Variants in PSD3 observed in about 807,000 individuals in gnomAD.
PSD3 encodes pleckstrin and Sec7 domain containing 3, also known as PH and SEC7 domain-containing protein 3.
Under a neutral mutation model 105.5 loss-of-function variants are expected in PSD3, and 49 were observed. The observed-to-expected ratio is 0.46, with a 90% CI of 0.37 to 0.59. The LOEUF (loss-of-function observed/expected upper bound fraction) is 0.59, where lower values mean the gene tolerates loss of function less well. Among genes scored for constraint, PSD3 ranks in the 20% least tolerant of loss-of-function variants. The probability of loss-of-function intolerance (pLI) is 0.00; values close to 1 mark genes in which losing one functional copy is unlikely to be tolerated. For missense variants in PSD3, 1,561 were observed against 1,263.8 expected, an observed-to-expected ratio of 1.24 and a Z score of -3.57; for synonymous variants, 557 against 457.8, an observed-to-expected ratio of 1.22 and a Z score of -2.77.
chr8:18,919,835 C>G (rs1417270676), intron 2 of PSD3, among the ~76,000 whole-genome samples: 1 of 117,186 alleles, frequency 8.5e-6, no homozygotes, highest in African/African-American at 3.4e-5. Context: ...GAACATCACA[C>G]TCTGGGGACT....
At position 18,872,405 on chromosome 8, in the gene PSD3, T is replaced by G. The variant is rs773319907; in HGVS notation, c.459A>C (p.Thr153=). Residue 153 remains threonine, a synonymous_variant, in exon 3 of 16, where the codon ACA becomes ACC. Coordinates refer to ENST00000327040, the MANE Select transcript of PSD3 (RefSeq NM_015310.4). ...AAACAGCATCTTGGTCCAGTACCTT[T>G]GTAGCCTGTAATGTTCCGGAAATGA... ...ARIISGTLQA[T]KVLDQDAVSS... The G allele has an allele frequency of 3.1e-6, 5 of 1,614,112 alleles. No homozygotes were observed. Among genetic ancestry groups the G allele is most frequent in the Non-Finnish European group, 4.2e-6 (5 of 1,180,046 alleles).
chr8:18,799,302 T>A lies in PSD3; in HGVS notation c.2075A>T (p.His692Leu). 6.2e-7 allele frequency: 1 copy of A among 1,604,278 alleles called. No individual in the cohort carries two copies. The highest frequency in any genetic ancestry group is 1.1e-5 in the South Asian group (1 of 90,884). Residue 692 changes from histidine to leucine, a missense_variant, in exon 8 of 16, where the codon CAT (histidine) becomes CTT (leucine). Coordinates refer to ENST00000327040, the MANE Select transcript of PSD3 (RefSeq NM_015310.4). ...TCACAAATCCACACTTACGTGGCCATGTAGATCGGTATTAAGAAGCATTAT... is the reference window on the plus strand; with the variant it reads ...TCACAAATCCACACTTACGTGGCCAAGTAGATCGGTATTAAGAAGCATTAT... ...CAIMLLNTDL[H>L]GHNIGKKMTC...
At position 18,853,474 on chromosome 8, in the gene PSD3, G is replaced by A. The variant is rs1815754756; in HGVS notation, c.1634+14200C>T. On this transcript the variant is annotated intron_variant, in intron 4 of 15. Coordinates refer to ENST00000327040, the MANE Select transcript of PSD3 (RefSeq NM_015310.4). ...CGTTGACCTCACTTATCCCCTGCCT[G>A]TTGAACATCACAACAGAAACTTTCC... Among the ~76,000 whole-genome samples, 6 of 151,958 alleles carry A rather than the reference G, an allele frequency of 3.9e-5. 1 individual carries two copies. The South Asian group carries it at 6.2e-4, about 16-fold the overall frequency.
intron 2 of PSD3, among the ~76,000 whole-genome samples, chr8:18,889,426 ACAGCAGGTAATATTC>A: frequency 6.6e-6 from 1 of 152,270 alleles, no homozygotes; most frequent in African/African-American, 2.4e-5. Flanking sequence ...ATCCAGAGCC[ACAGCAGGTAATATTC>A]CCCCATCCTA....
intron 9 of PSD3, among the ~76,000 whole-genome samples, chr8:18,663,138 A>C (rs181717698): frequency 3.3e-5 from 5 of 152,320 alleles, no homozygotes; most frequent in Non-Finnish European, 5.9e-5. Flanking sequence ...ATCAAACCTG[A>C]AAGTGAAGGC....
chr8:18,614,648 C>T (rs182618687), intron 11 of PSD3, among the ~76,000 whole-genome samples: 2 of 152,214 alleles, frequency 1.3e-5, no homozygotes, highest in Admixed American at 1.3e-4. Context: ...TTCTATCAAA[C>T]AAATGACATT....
Position 18,677,786 on chromosome 8 carries a change from A to G in PSD3, c.2173-22101T>C, listed in dbSNP as rs183058293. 8.9e-4 allele frequency among the ~76,000 whole-genome samples: 135 copies of G among 152,294 alleles called. No individual in the cohort carries two copies. The East Asian group carries it at 0.022, about 25-fold the overall frequency. ...CAGCACTGTGGGAGGCGAGGCGGCC[A>G]GATCACGAGGTCAGGAGATCAAAAC... On this transcript the variant is annotated intron_variant, in intron 9 of 15. Coordinates refer to ENST00000327040, the MANE Select transcript of PSD3 (RefSeq NM_015310.4).
chr8:18,779,875 G>A (rs1808441932), intron 8 of PSD3, among the ~76,000 whole-genome samples: 1 of 152,174 alleles, frequency 6.6e-6, no homozygotes, highest in South Asian at 2.1e-4. Flanking sequence ...AATGTCCCAT[G>A]TGATAAGAAT....
intron 9 of PSD3, among the ~76,000 whole-genome samples, chr8:18,739,453 C>G (rs1461997157): frequency 6.6e-6 from 1 of 152,094 alleles, no homozygotes; most frequent in African/African-American, 2.4e-5. Context: ...TATAGAGAAC[C>G]AGAAAGTGTT....
Position 18,763,806 on chromosome 8 carries a change from T to C in PSD3, c.2172+1643A>G, listed in dbSNP as rs888527068. Among the ~76,000 whole-genome samples, 5 of 152,190 alleles carry C rather than the reference T, an allele frequency of 3.3e-5. No homozygotes were observed. In the East Asian group the frequency reaches 5.8e-4, roughly 18 times the overall value. On this transcript the variant is annotated intron_variant, in intron 9 of 15. Coordinates refer to ENST00000327040, the MANE Select transcript of PSD3 (RefSeq NM_015310.4). ...GTGGGTGAGCGGCTGGGGTTTGTTA[T>C]GGAAGAGAATCAATACTTCACTTGA...
intron 1 of PSD3, among the ~76,000 whole-genome samples, chr8:19,037,244 T>C (rs1827975053): frequency 6.6e-6 from 1 of 152,260 alleles, no homozygotes; most frequent in African/African-American, 2.4e-5. Flanking sequence ...GCTTGCAAGA[T>C]GCCGAGAGCC....
chr8:18,778,463 G>A (rs150569386), intron 8 of PSD3, among the ~76,000 whole-genome samples: 1 of 152,130 alleles, frequency 6.6e-6, no homozygotes, highest in African/African-American at 2.4e-5. Flanking sequence ...CTTTTGCCTG[G>A]TTACTCTGGC....
At chr8:18,860,612 A>G (rs1484420911) in intron 4 of PSD3, among the ~76,000 whole-genome samples, 1 of 152,156 alleles carries the variant, frequency 6.6e-6, no homozygotes, top group Non-Finnish European at 1.5e-5. Flanking sequence ...GTTCAGGCAA[A>G]TTTGTATTCC....
intron 2 of PSD3, among the ~76,000 whole-genome samples, chr8:18,899,614 G>A (rs187767032): frequency 2.6e-5 from 4 of 152,050 alleles, no homozygotes; most frequent in Admixed American, 1.3e-4. Context: ...AGATGACTTC[G>A]ATGTCTTCAC....
chr8:18,852,816 C>T (rs1027145268), intron 4 of PSD3, among the ~76,000 whole-genome samples: 10 of 152,202 alleles, frequency 6.6e-5, no homozygotes, highest in Admixed American at 2.6e-4. Context: ...ACAATTTAAA[C>T]GTCATAATAG....
intron 15 of PSD3, among the ~76,000 whole-genome samples, chr8:18,542,334 A>G (rs2129981840): frequency 6.6e-6 from 1 of 152,332 alleles, no homozygotes; most frequent in South Asian, 2.1e-4. Flanking sequence ...AAGTATCAGG[A>G]GCTCATTTAC....
chr8:19,030,338 A>G (rs1177285445), intron 1 of PSD3, among the ~76,000 whole-genome samples: 1 of 152,122 alleles, frequency 6.6e-6, no homozygotes, highest in African/African-American at 2.4e-5. Context: ...ATAATGTACT[A>G]TTGTATTAGT....
intron 13 of PSD3, 42 bp from the exon 14 acceptor site, chr8:18,572,714 C>G: frequency 1.3e-6 from 2 of 1,591,230 alleles, no homozygotes; most frequent in South Asian, 1.1e-5. Flanking sequence ...ATTGCCATGT[C>G]TAAGTAGCAT....
chr8:18,966,631 C>A lies in PSD3; in HGVS notation c.22-30489G>T, dbSNP rs559239822. On this transcript the variant is annotated intron_variant, in intron 1 of 15. Coordinates refer to ENST00000327040, the MANE Select transcript of PSD3 (RefSeq NM_015310.4). Reference sequence around the variant, plus strand: ...CATTTTTAAAAATACTTCCCTAGACCTCCTGGCTTCCAGTTATGCCCTACA... The same window carrying A: ...CATTTTTAAAAATACTTCCCTAGACATCCTGGCTTCCAGTTATGCCCTACA... 2.0e-4 allele frequency among the ~76,000 whole-genome samples: 30 copies of A among 151,690 alleles called. No individual in the cohort carries two copies. In the South Asian group the frequency reaches 6.1e-3, roughly 31 times the overall value.
Sources: gnomAD v4.1 joint callset for allele counts (sites outside exome capture counted in the v4.1 genomes callset) on GRCh38, gnomAD v4.1.1 for gene constraint, MANE v1.5 for transcripts, NCBI Gene and HGNC (gene_info 2026-07-23, HGNC 2026-07-21) for gene names.